GNG7: variants seen among roughly 807,000 people sequenced by gnomAD.
The protein encoded by GNG7 is guanine nucleotide-binding protein G(I)/G(S)/G(O) subunit gamma-7.
Under a neutral mutation model 4.0 loss-of-function variants are expected in GNG7, and 1 was observed. The ratio of observed to expected loss-of-function variants is 0.25; its 90% CI spans 0.09 to 1.18. GNG7 has a LOEUF of 1.18. Among genes scored for constraint, GNG7 ranks in the 50% most tolerant of loss-of-function variants. The probability of loss-of-function intolerance (pLI) is 0.50; values close to 1 mark genes in which losing one functional copy is unlikely to be tolerated. For missense variants in GNG7, 86 were observed against 91.9 expected, an observed-to-expected ratio of 0.94 and a Z score of 0.26; for synonymous variants, 34 against 36.9, an observed-to-expected ratio of 0.92 and a Z score of 0.29.
intron 2 of GNG7, among the ~76,000 whole-genome samples, chr19:2,595,966 T>C (rs1981006301): frequency 6.6e-6 from 1 of 152,042 alleles, no homozygotes; most frequent in Non-Finnish European, 1.5e-5. Context: ...AACGACCGAA[T>C]CCAGCTCTCA....
intron 2 of GNG7, among the ~76,000 whole-genome samples, chr19:2,638,885 T>C (rs937246589): frequency 5.3e-5 from 8 of 152,082 alleles, no homozygotes; most frequent in African/African-American, 1.9e-4. Flanking sequence ...TTTTTTATAA[T>C]CTTAAAATTT....
chr19:2,687,975 G>A (rs560594825), intron 1 of GNG7, among the ~76,000 whole-genome samples: 3 of 151,182 alleles, frequency 2.0e-5, no homozygotes, highest in Non-Finnish European at 3.0e-5. Context: ...TAAAATAGCC[G>A]GGCGCGGTGG....
chr19:2,553,400 A>G (rs574019751), intron 3 of GNG7, among the ~76,000 whole-genome samples: 5,089 of 146,938 alleles, frequency 0.035, 142 homozygotes, highest in African/African-American at 0.054. Flanking sequence ...ATATATACAT[A>G]TATATATGTA....
intron 1 of GNG7, among the ~76,000 whole-genome samples, chr19:2,649,440 C>G (rs577660153): frequency 6.8e-5 from 8 of 118,472 alleles, no homozygotes; most frequent in Admixed American, 5.8e-4. Flanking sequence ...CTCTGTCACC[C>G]AGGCTGGAGT....
chr19:2,696,966 C>T (rs1471744105), intron 1 of GNG7, among the ~76,000 whole-genome samples: 2 of 152,202 alleles, frequency 1.3e-5, no homozygotes, highest in Admixed American at 1.3e-4. Context: ...GATTCTCCTG[C>T]CTCAGCCTCC....
chr19:2,654,640 G>T (rs1018196012), intron 1 of GNG7, among the ~76,000 whole-genome samples: 4 of 152,262 alleles, frequency 2.6e-5, no homozygotes, highest in African/African-American at 9.6e-5. Context: ...TGAGTGGGGG[G>T]AGGGAGAGAG....
In GNG7 at chr19:2,519,448, G is replaced by A. The variant is rs377158563; in HGVS notation, c.81+1160C>T. On this transcript the variant is annotated intron_variant, in intron 4 of 4. Coordinates refer to ENST00000382159, the MANE Select transcript of GNG7 (RefSeq NM_052847.3). The stretch of plus-strand genomic sequence containing the variant: ...TGGAATTATAAGTGTGAGTCACCGC[G>A]CTCAGCCTGTTTTTTATTTTGTAGA... Among the ~76,000 whole-genome samples, 122 of 151,896 alleles carry A rather than the reference G, an allele frequency of 8.0e-4. 1 individual carries two copies. In the East Asian group the frequency reaches 0.02, roughly 24 times the overall value.
chr19:2,627,633 C>T (rs780244937), intron 2 of GNG7, among the ~76,000 whole-genome samples: 18 of 152,224 alleles, frequency 1.2e-4, no homozygotes, highest in African/African-American at 2.9e-4. Flanking sequence ...CCTCTCATTA[C>T]GAGCAAAGCT....
chr19:2,617,674 ACT>A lies in GNG7; in HGVS notation c.-78+28548_-78+28549del, dbSNP rs969082544. ...CCTTCCTGGACACCACGTGGCACAG[ACT>A]CTCTCCTCTTGGTGCCACCTCATCC... On this transcript the variant is annotated intron_variant, in intron 2 of 4. Transcript: ENST00000382159. The surrounding 1 kb of genome is among the most constrained non-coding windows in gnomAD (Gnocchi z 4.7). Among the ~76,000 whole-genome samples the A allele has an allele frequency of 1.3e-5, 2 of 149,088 alleles. No individual in the cohort carries two copies. Among genetic ancestry groups the A allele is most frequent in the African/African-American group, 2.5e-5 (1 of 40,462 alleles).
At chr19:2,552,857 C>T (rs967681905) in intron 3 of GNG7, among the ~76,000 whole-genome samples, 1 of 147,848 alleles carries the variant, frequency 6.8e-6, no homozygotes, top group East Asian at 2.0e-4. Context: ...CTCCACCCCC[C>T]CCACCTCCCC....
chr19:2,573,243 G>A (rs1482389145), intron 2 of GNG7, among the ~76,000 whole-genome samples: 2 of 151,104 alleles, frequency 1.3e-5, no homozygotes, highest in African/African-American at 2.4e-5. Flanking sequence ...GGCTGGTCTC[G>A]AACTCCCAAC....
chr19:2,679,521 A>G (rs370147512), intron 1 of GNG7, among the ~76,000 whole-genome samples: 6 of 152,308 alleles, frequency 3.9e-5, no homozygotes, highest in African/African-American at 1.2e-4. Flanking sequence ...GGAAACAGAA[A>G]GGTTCCATGT....
At position 2,654,390 on chromosome 19, in the gene GNG7, C is replaced by T. The variant is rs116660700; in HGVS notation, c.-134-8110G>A. ...GGGTCACTCTCTGGGGTGGGGCCATCCTGGGCACTGCAGGGAGCTGAACAG... is the reference window on the plus strand; with the variant it reads ...GGGTCACTCTCTGGGGTGGGGCCATTCTGGGCACTGCAGGGAGCTGAACAG... On this transcript the variant is annotated intron_variant, in intron 1 of 4. Transcript: ENST00000382159. 4.2e-3 allele frequency among the ~76,000 whole-genome samples: 636 copies of T among 152,200 alleles called. 3 individuals carry two copies. The highest frequency in any genetic ancestry group is 0.015 in the African/African-American group (619 of 41,510).
chr19:2,553,031 A>G (rs1390218806), intron 3 of GNG7, among the ~76,000 whole-genome samples: 2 of 151,414 alleles, frequency 1.3e-5, no homozygotes. Flanking sequence ...GACAGAGATG[A>G]GAAAAACTGG....
chr19:2,544,170 G>C (rs1333027257), intron 3 of GNG7, among the ~76,000 whole-genome samples: 2 of 152,216 alleles, frequency 1.3e-5, no homozygotes, highest in Non-Finnish European at 2.9e-5. Flanking sequence ...GAGAGACAGG[G>C]TGTTATGTTT....
At chr19:2,680,746 T>A (rs1003813036) in intron 1 of GNG7, among the ~76,000 whole-genome samples, 6 of 152,016 alleles carry the variant, frequency 3.9e-5, no homozygotes, top group African/African-American at 1.4e-4. Context: ...TGGCTAATTT[T>A]GTATTTTAGT....
chr19:2,692,780 G>A (rs1913164259), intron 1 of GNG7, among the ~76,000 whole-genome samples: 1 of 151,930 alleles, frequency 6.6e-6, no homozygotes, highest in South Asian at 2.1e-4. Flanking sequence ...GAGCCCAGGA[G>A]TTCAAGACCA....
chr19:2,515,758 A>G (rs1286059345), intron 4 of GNG7, among the ~76,000 whole-genome samples: 2 of 152,026 alleles, frequency 1.3e-5, no homozygotes, highest in African/African-American at 4.8e-5. Flanking sequence ...TGTCCAGGAC[A>G]GGCCTATCCA....
intron 3 of GNG7, among the ~76,000 whole-genome samples, chr19:2,539,834 C>CTT (rs60597753): frequency 6.6e-6 from 1 of 150,398 alleles, no homozygotes; most frequent in Non-Finnish European, 1.5e-5. Context: ...GAACTCACAC[C>CTT]TCTCCTTTCT....
Sources: gnomAD v4.1 joint callset for allele counts (sites outside exome capture counted in the v4.1 genomes callset) on GRCh38, gnomAD v4.1.1 for gene constraint, Gnocchi (gnomAD v3.1) non-coding constraint, MANE v1.5 for transcripts, NCBI Gene and HGNC (gene_info 2026-07-23, HGNC 2026-07-21) for gene names.